The following SSBP2 variants were observed in gnomAD, a reference collection of about 807,000 sequenced individuals.
SSBP2 encodes the protein single stranded DNA binding protein 2.
In SSBP2, 17 loss-of-function variants were observed where a neutral mutation model predicts 61.8. That is an observed-to-expected ratio of 0.28 (90% CI 0.19 to 0.41). The LOEUF (loss-of-function observed/expected upper bound fraction) is 0.41. Ranked by LOEUF, SSBP2 falls within the 10% of genes least tolerant of loss-of-function variation. SSBP2 has a pLI of 1.00. For missense variants in SSBP2, 310 were observed against 458.7 expected (o/e 0.68, Z 2.96); for synonymous variants, 139 against 141.3 (o/e 0.98, Z 0.12).
chr5:81,434,242 A>G (rs909871121), intron 15 of SSBP2, among the ~76,000 whole-genome samples: 1 of 152,228 alleles, frequency 6.6e-6, no homozygotes, highest in East Asian at 1.9e-4. Flanking sequence ...GTACTTATAC[A>G]CAACATTTAA....
At chr5:81,507,041 T>G (rs1039099467) in intron 5 of SSBP2, among the ~76,000 whole-genome samples, 1 of 152,130 alleles carries the variant, frequency 6.6e-6, no homozygotes, top group African/African-American at 2.4e-5. Context: ...TTTTTTTTTC[T>G]TATTGCGTTA....
chr5:81,512,605 T>C (rs1043806140), intron 5 of SSBP2, among the ~76,000 whole-genome samples: 2 of 152,158 alleles, frequency 1.3e-5, no homozygotes, highest in African/African-American at 4.8e-5. Flanking sequence ...CAAATAAGCA[T>C]GTCCTAAAGG....
At chr5:81,627,238 C>A in intron 3 of SSBP2, among the ~76,000 whole-genome samples, 1 of 152,108 alleles carries the variant, frequency 6.6e-6, no homozygotes, top group Non-Finnish European at 1.5e-5. Context: ...ATTCCACATG[C>A]CTTTCCTCTT....
At chr5:81,513,815 T>C in intron 4 of SSBP2, 98 bp from the exon 5 acceptor site, 1 of 713,978 alleles carries the variant, frequency 1.4e-6, no homozygotes, top group South Asian at 1.8e-5. Context: ...TGCTCTTTCA[T>C]GCCTGGGAAC....
At chr5:81,750,349 C>T (rs1249803552) in intron 1 of SSBP2, among the ~76,000 whole-genome samples, 1 of 146,046 alleles carries the variant, frequency 6.8e-6, no homozygotes, top group East Asian at 2.0e-4. Flanking sequence ...CGCACACGCC[C>T]TCCGCGCCCC....
intron 4 of SSBP2, among the ~76,000 whole-genome samples, chr5:81,552,458 G>A (rs1254381181): frequency 6.6e-6 from 1 of 152,000 alleles, no homozygotes; most frequent in African/African-American, 2.4e-5. Flanking sequence ...GACCAACATG[G>A]TAAAACCCTG....
At chr5:81,651,491 C>T (rs140769307) in intron 1 of SSBP2, among the ~76,000 whole-genome samples, 366 of 152,236 alleles carry the variant, frequency 2.4e-3, no homozygotes, top group Non-Finnish European at 3.4e-3. Flanking sequence ...TCTGTAGCTA[C>T]TAAACACCTT....
chr5:81,491,810 C>T (rs765414773), intron 5 of SSBP2, among the ~76,000 whole-genome samples: 1 of 152,114 alleles, frequency 6.6e-6, no homozygotes, highest in Admixed American at 6.5e-5. Context: ...CTAAAAACTA[C>T]TACTTTTACC....
chr5:81,745,124 T>C (rs2154026263), intron 1 of SSBP2, among the ~76,000 whole-genome samples: 1 of 152,264 alleles, frequency 6.6e-6, no homozygotes, highest in Middle Eastern at 3.4e-3. Context: ...AAAAACTCTA[T>C]TCTTCCCCAG....
chr5:81,581,314 G>C (rs1705211158), intron 4 of SSBP2, among the ~76,000 whole-genome samples: 1 of 152,184 alleles, frequency 6.6e-6, no homozygotes, highest in South Asian at 2.1e-4. Context: ...TGGATAGAAG[G>C]CTTGAGCGGC....
intron 3 of SSBP2, among the ~76,000 whole-genome samples, chr5:81,621,649 A>G (rs1746566470): frequency 1.3e-5 from 1 of 79,404 alleles, no homozygotes; most frequent in Non-Finnish European, 2.3e-5. Flanking sequence ...ATAAAGACAC[A>G]TGCACACGTA....
At chr5:81,486,412 CTT>C (rs747040139) in intron 6 of SSBP2, among the ~76,000 whole-genome samples, 1 of 152,112 alleles carries the variant, frequency 6.6e-6, no homozygotes, top group Non-Finnish European at 1.5e-5. Context: ...AATAATGTCA[CTT>C]GAATACAATT....
chr5:81,708,907 T>C (rs1754584763), intron 1 of SSBP2, among the ~76,000 whole-genome samples: 1 of 151,902 alleles, frequency 6.6e-6, no homozygotes. Context: ...TTAAAGACAA[T>C]TAAATCTACT....
chr5:81,547,234 T>C (rs1051036088), intron 4 of SSBP2, among the ~76,000 whole-genome samples: 1 of 152,152 alleles, frequency 6.6e-6, no homozygotes, highest in East Asian at 1.9e-4. Flanking sequence ...ATTTTTACCA[T>C]ATGATCCAGC....
chr5:81,598,120 G>C (rs897870845), intron 4 of SSBP2, among the ~76,000 whole-genome samples: 8 of 151,686 alleles, frequency 5.3e-5, no homozygotes, highest in African/African-American at 9.7e-5. Context: ...ATAAACCACA[G>C]ATCCAACTTA....
At chr5:81,472,876 T>C (rs1765342119) in intron 8 of SSBP2, among the ~76,000 whole-genome samples, 2 of 152,194 alleles carry the variant, frequency 1.3e-5, no homozygotes. Flanking sequence ...GCTGGGATTA[T>C]AGGCGTGAGC....
intron 8 of SSBP2, among the ~76,000 whole-genome samples, chr5:81,469,660 C>T (rs1561437582): frequency 6.6e-6 from 1 of 151,856 alleles, no homozygotes; most frequent in Non-Finnish European, 1.5e-5. Context: ...CACAGTAGGC[C>T]TTCCATGAAT....
chr5:81,652,421 G>T (rs1237934853), intron 1 of SSBP2, among the ~76,000 whole-genome samples: 2 of 152,108 alleles, frequency 1.3e-5, no homozygotes, highest in South Asian at 2.1e-4. Context: ...TCTAAAAAAT[G>T]TATTGGAAGG....
intron 10 of SSBP2, 122 bp from the exon 11 acceptor site, chr5:81,448,947 G>A (rs2153975771): frequency 2.7e-6 from 2 of 731,104 alleles, no homozygotes; most frequent in African/African-American, 1.8e-5. Context: ...TATAGTAAAG[G>A]ATAAAAAAAT....
Sources: gnomAD v4.1 joint callset for allele counts (sites outside exome capture counted in the v4.1 genomes callset) on GRCh38, gnomAD v4.1.1 for gene constraint, MANE v1.5 for transcripts, NCBI Gene and HGNC (gene_info 2026-07-23, HGNC 2026-07-21) for gene names.